ZNF292: variants seen among roughly 807,000 people sequenced by gnomAD.
The protein encoded by ZNF292 is 16 zinc-finger domain protein.
ZNF292 carries 26 observed loss-of-function variants against 217.9 expected under a neutral mutation model. The ratio of observed to expected loss-of-function variants is 0.12; its 90% confidence interval spans 0.09 to 0.17. The LOEUF (loss-of-function observed/expected upper bound fraction) is 0.17. Ranked by LOEUF, ZNF292 falls within the 10% of genes least tolerant of loss-of-function variation. The pLI is 1.00. For missense variants in ZNF292, 2,904 were observed against 3,175.2 expected (o/e 0.91, Z 2.05); for synonymous variants, 1,257 against 1,124.1 (o/e 1.12, Z -2.37).
chr6:87,248,422 T>C (rs1455360573), intron 7 of ZNF292, among the ~76,000 whole-genome samples: 1 of 152,196 alleles, frequency 6.6e-6, no homozygotes, highest in African/African-American at 2.4e-5. Flanking sequence ...TCCTGATTTT[T>C]CATTTATATA....
intron 1 of ZNF292, among the ~76,000 whole-genome samples, chr6:87,159,776 G>C (rs959774080): frequency 6.6e-6 from 1 of 151,992 alleles, no homozygotes; most frequent in African/African-American, 2.4e-5. Context: ...ACCACGCCCG[G>C]CCCTGTCTCA....
intron 1 of ZNF292, among the ~76,000 whole-genome samples, chr6:87,203,186 G>A (rs969383249): frequency 1.4e-5 from 2 of 146,448 alleles, no homozygotes; most frequent in Non-Finnish European, 3.0e-5. Flanking sequence ...TGTTGGCCAG[G>A]CTGGAGTGCA....
At position 87,256,827 on chromosome 6, in the gene ZNF292, G is replaced by T. The variant is rs754085656; in HGVS notation, c.3198G>T (p.Lys1066Asn). 7 of 1,613,630 alleles carry T rather than the reference G, an allele frequency of 4.3e-6. No individual in the cohort carries two copies. The highest frequency in any genetic ancestry group is 5.9e-6 in the Non-Finnish European group (7 of 1,179,814). ...TSSNLYNLPL[K>N]TLESIAFVPP... ...CCAATCTTTATAATTTACCTCTTAA[G>T]ACATTAGAAAGTATTGCATTTGTTC... is the stretch of plus-strand genomic sequence containing the variant. Residue 1066 changes from lysine (K) to asparagine (N), a missense_variant, in exon 8 of 8, where the codon AAG (lysine) becomes AAT (asparagine). Physicochemically the swap from Lys to Asn is moderately conservative, Grantham distance 94. Transcript: ENST00000369577.
chr6:87,254,350 T>C (rs1204682606), intron 7 of ZNF292, among the ~76,000 whole-genome samples: 2 of 152,120 alleles, frequency 1.3e-5, no homozygotes, highest in Non-Finnish European at 2.9e-5. Flanking sequence ...TTGACCTCTG[T>C]TTTATAAGTG....
intron 1 of ZNF292, among the ~76,000 whole-genome samples, chr6:87,195,439 C>T (rs970842298): frequency 2.0e-5 from 3 of 152,120 alleles, no homozygotes; most frequent in Non-Finnish European, 2.9e-5. Flanking sequence ...ATGGACCGTC[C>T]TATCACATAC....
At chr6:87,204,011 A>T (rs575215432) in intron 1 of ZNF292, among the ~76,000 whole-genome samples, 2 of 152,314 alleles carry the variant, frequency 1.3e-5, no homozygotes, top group South Asian at 4.1e-4. Flanking sequence ...ACCTGATAGG[A>T]TATAATGAGA....
chr6:87,174,813 C>T (rs1436904887), intron 1 of ZNF292, among the ~76,000 whole-genome samples: 1 of 152,148 alleles, frequency 6.6e-6, no homozygotes, highest in Non-Finnish European at 1.5e-5. Context: ...GGGAATTATA[C>T]TTTATCAGAG....
intron 1 of ZNF292, among the ~76,000 whole-genome samples, chr6:87,197,750 T>G (rs1771995743): frequency 7.5e-6 from 1 of 132,796 alleles, no homozygotes; most frequent in Non-Finnish European, 1.6e-5. Flanking sequence ...AAAAAAGCAT[T>G]CATTAGAGCC....
At chr6:87,213,312 ATAAAT>A (rs1457926395) in intron 1 of ZNF292, among the ~76,000 whole-genome samples, 1 of 152,228 alleles carries the variant, frequency 6.6e-6, no homozygotes, top group Non-Finnish European at 1.5e-5. Flanking sequence ...GCACTCAAAC[ATAAAT>A]TTAATTTTCA....
At chr6:87,242,817 G>GCAT (rs1774366203) in intron 5 of ZNF292, among the ~76,000 whole-genome samples, 1 of 152,166 alleles carries the variant, frequency 6.6e-6, no homozygotes, top group Admixed American at 6.5e-5. Flanking sequence ...AGATGTAAGT[G>GCAT]CATCATTAAA....
At chr6:87,239,431 C>T (rs1371247857) in intron 5 of ZNF292, among the ~76,000 whole-genome samples, 12 of 146,070 alleles carry the variant, frequency 8.2e-5, no homozygotes, top group South Asian at 2.1e-4. Flanking sequence ...GGTGGCTGGC[C>T]GGGCGGGGGC....
chr6:87,194,008 A>C (rs892249804), intron 1 of ZNF292, among the ~76,000 whole-genome samples: 1 of 152,234 alleles, frequency 6.6e-6, no homozygotes, highest in African/African-American at 2.4e-5. Flanking sequence ...GAGGAAGAGG[A>C]AAAACAAGAA....
intron 1 of ZNF292, among the ~76,000 whole-genome samples, chr6:87,198,483 C>T (rs1312743411): frequency 1.3e-5 from 2 of 152,102 alleles, no homozygotes; most frequent in African/African-American, 4.8e-5. Context: ...GGATTACAGG[C>T]CTGAGGAGCC....
At chr6:87,158,100 G>T (rs1237362265) in intron 1 of ZNF292, among the ~76,000 whole-genome samples, 1 of 152,158 alleles carries the variant, frequency 6.6e-6, no homozygotes, top group Non-Finnish European at 1.5e-5. Context: ...GATTAGTCTT[G>T]CCACATAAAT....
intron 4 of ZNF292, among the ~76,000 whole-genome samples, chr6:87,230,342 CAATT>C (rs1353443216): frequency 2.6e-5 from 4 of 152,098 alleles, no homozygotes; most frequent in East Asian, 1.9e-4. Context: ...ACATAGTACA[CAATT>C]AATTCTTGTG....
intron 1 of ZNF292, among the ~76,000 whole-genome samples, chr6:87,162,888 A>AGG (rs1770796705): frequency 6.6e-6 from 1 of 152,218 alleles, no homozygotes; most frequent in Non-Finnish European, 1.5e-5. Flanking sequence ...TTATAAAATT[A>AGG]ACCAATCAGT....
At chr6:87,161,781 T>G (rs1236195580) in intron 1 of ZNF292, among the ~76,000 whole-genome samples, 3 of 152,232 alleles carry the variant, frequency 2.0e-5, no homozygotes, top group Non-Finnish European at 1.5e-5. Flanking sequence ...TTGAAATGGT[T>G]TTTTAAAATT....
Position 87,258,461 on chromosome 6 carries a change from G to T in ZNF292, c.4832G>T (p.Gly1611Val), listed in dbSNP as rs1002253982. 19 of 1,613,446 alleles carry T rather than the reference G, an allele frequency of 1.2e-5. No individual in the cohort carries two copies. The highest frequency in any genetic ancestry group is 5.0e-5 in the Admixed American group (3 of 59,886). The part of the protein sequence containing the change: ...SNSSRVSVIS[G>V]PQNTRSSHLN... ...AGTTCTCGTGTTTCTGTTATAAGTGGTCCTCAGAACACAAGATCCAGTCAT... is the reference window on the plus strand; with the variant it reads ...AGTTCTCGTGTTTCTGTTATAAGTGTTCCTCAGAACACAAGATCCAGTCAT... Residue 1611 changes from glycine (G) to valine (V), a missense_variant, in exon 8 of 8, where the codon GGT (glycine) becomes GTT (valine). Gly to Val is a moderately radical substitution (Grantham distance 109). Coordinates refer to ENST00000369577, the MANE Select transcript of ZNF292 (RefSeq NM_015021.3).
At chr6:87,217,350 C>T (rs1209510800) in intron 3 of ZNF292, among the ~76,000 whole-genome samples, 1 of 152,072 alleles carries the variant, frequency 6.6e-6, no homozygotes, top group Non-Finnish European at 1.5e-5. Context: ...TAATGTCTTA[C>T]ACATAACAGA....
Sources: gnomAD v4.1 joint callset for allele counts (sites outside exome capture counted in the v4.1 genomes callset) on GRCh38, gnomAD v4.1.1 for gene constraint, MANE v1.5 for transcripts, NCBI Gene and HGNC (gene_info 2026-07-23, HGNC 2026-07-21) for gene names.